PRH1: variants seen among roughly 807,000 people sequenced by gnomAD.
The protein encoded by PRH1 is proline rich protein HaeIII subfamily 1, also known as salivary acidic proline-rich phosphoprotein 1/2.
A neutral mutation model predicts 7.9 loss-of-function variants in PRH1; 7 were observed. That is an observed-to-expected ratio of 0.89 (90% CI 0.50 to 1.67). The LOEUF (loss-of-function observed/expected upper bound fraction) is 1.67. PRH1 is among the 40% of genes most tolerant of loss of function. PRH1 has a pLI of 0.00. For missense variants in PRH1, 109 were observed against 223.6 expected, an observed-to-expected ratio of 0.49 and a Z score of 3.27; for synonymous variants, 45 against 80.8, an observed-to-expected ratio of 0.56 and a Z score of 2.38.
intron 1 of PRH1, among the ~76,000 whole-genome samples, chr12:11,163,323 A>G (rs1947472921): frequency 6.6e-6 from 1 of 152,092 alleles, no homozygotes; most frequent in Non-Finnish European, 1.5e-5. Context: ...TTATTAAATA[A>G]TCACTAAAAA....
At chr12:11,061,283 GA>G (rs1479882514) in intron 1 of PRH1, 1 of 1,523,538 alleles carries the variant, frequency 6.6e-7, no homozygotes, top group Non-Finnish European at 8.8e-7. Context: ...ATACATTACA[GA>G]AAACACAGTA....
chr12:11,130,780 G>C (rs1565684588), intron 1 of PRH1, among the ~76,000 whole-genome samples: 1 of 152,132 alleles, frequency 6.6e-6, no homozygotes, highest in South Asian at 2.1e-4. Context: ...CAAACAGCAA[G>C]TGCAGAACAT....
chr12:11,158,124 A>T (rs1245519641), intron 1 of PRH1, among the ~76,000 whole-genome samples: 1 of 152,174 alleles, frequency 6.6e-6, no homozygotes, highest in Non-Finnish European at 1.5e-5. Flanking sequence ...TACCTCAAAC[A>T]ACAGTGCTGG....
At chr12:10,937,523 G>A (rs1374626713) in intron 2 of PRH1, 2 of 151,940 alleles carry the variant, frequency 1.3e-5, no homozygotes, top group Middle Eastern at 3.2e-3. Context: ...TCAGTATTAC[G>A]TTTATTGTTA....
chr12:11,142,056 G>C (rs1204399734), intron 1 of PRH1, among the ~76,000 whole-genome samples: 1 of 152,198 alleles, frequency 6.6e-6, no homozygotes, highest in East Asian at 1.9e-4. Flanking sequence ...GCCTCCCAAA[G>C]TGCTTGGATA....
intron 2 of PRH1, chr12:10,930,385 A>G (rs1269863716): frequency 6.5e-7 from 1 of 1,549,288 alleles, no homozygotes; most frequent in Non-Finnish European, 8.9e-7. Flanking sequence ...TCTTCTTATC[A>G]TCCTTGTCAG....
chr12:11,092,131 A>G lies in PRH1; in HGVS notation n.124-44943T>C, dbSNP rs199862459. 0.45 allele frequency: 358,513 copies of G among 794,654 alleles called. 101,404 individuals carry two copies. Among genetic ancestry groups the G allele is most frequent in the East Asian group, 0.47 (7,470 of 15,752 alleles). The allele number at this position is 794,654 out of a possible 1,614,324, so 49.2% of individuals were successfully genotyped here. A position where few individuals can be genotyped will look rare whatever the true frequency, so the allele number is the denominator to read the frequency against. On this transcript the variant is annotated intron_variant and non_coding_transcript_variant, in intron 1 of 4. Transcript: ENST00000541977. The stretch of plus-strand genomic sequence containing the variant: ...AGATCTTTTGTCTCTTGAACCACTC[A>G]ATGGAATTTACCAGTGCTATGAAGC...
intron 1 of PRH1, among the ~76,000 whole-genome samples, chr12:11,151,405 G>A (rs35326227): frequency 0.45 from 68,894 of 151,760 alleles, 16,436 homozygotes; most frequent in Non-Finnish European, 0.52. Context: ...GGACTCCCTG[G>A]AAACTCTGAC....
At chr12:10,993,819 C>T (rs1247959751) in intron 1 of PRH1, among the ~76,000 whole-genome samples, 2 of 152,206 alleles carry the variant, frequency 1.3e-5, no homozygotes, top group East Asian at 3.8e-4. Context: ...CCGCTAGAGG[C>T]ATGCATGCAT....
intron 1 of PRH1, among the ~76,000 whole-genome samples, chr12:11,165,867 A>G (rs74062453): frequency 0.032 from 4,818 of 152,292 alleles, 249 homozygotes; most frequent in African/African-American, 0.11. Context: ...GAGTCCACAC[A>G]TGCACTATAG....
At chr12:11,163,143 A>G (rs1230537185) in intron 1 of PRH1, among the ~76,000 whole-genome samples, 1 of 152,208 alleles carries the variant, frequency 6.6e-6, no homozygotes, top group African/African-American at 2.4e-5. Flanking sequence ...GAACAATTAC[A>G]GAGAATATTA....
At chr12:11,068,907 C>CTTCT (rs10676429) in intron 1 of PRH1, among the ~76,000 whole-genome samples, 67,784 of 120,068 alleles carry the variant, frequency 0.56, 15,280 homozygotes, top group Non-Finnish European at 0.65. Flanking sequence ...GGTATTATTA[C>CTTCT]TTCTATTTTT....
intron 1 of PRH1, among the ~76,000 whole-genome samples, chr12:11,029,198 A>C (rs1942061947): frequency 6.6e-6 from 1 of 150,790 alleles, no homozygotes; most frequent in African/African-American, 2.4e-5. Context: ...TAACACCAAG[A>C]ATTAATACAG....
intron 2 of PRH1, among the ~76,000 whole-genome samples, chr12:10,948,120 G>A (rs751988615): frequency 2.6e-5 from 4 of 152,086 alleles, no homozygotes; most frequent in Non-Finnish European, 5.9e-5. Flanking sequence ...AGATGATCTT[G>A]TGTAGAATCT....
At chr12:10,910,936 G>A (rs956277188) in intron 2 of PRH1, among the ~76,000 whole-genome samples, 1 of 152,056 alleles carries the variant, frequency 6.6e-6, no homozygotes, top group Non-Finnish European at 1.5e-5. Context: ...CATCTTTAAT[G>A]ATTTGCAAGT....
At chr12:11,071,437 AG>A (rs1199596665) in intron 1 of PRH1, among the ~76,000 whole-genome samples, 1 of 152,230 alleles carries the variant, frequency 6.6e-6, no homozygotes, top group Admixed American at 6.5e-5. Flanking sequence ...AACTTCAGAT[AG>A]TTTGGCTGAA....
Position 10,925,011 on chromosome 12 carries a change from G to C in PRH1, c.-58-40736C>G, listed in dbSNP as rs1219652956. On this transcript the variant is annotated intron_variant, in intron 2 of 3. Transcript: ENST00000539853. Reference sequence around the variant, plus strand: ...TTGTGTCTCTATCTCCTTCAATTCTGCTCTGATCTTAGTTGTTTCTTGCTG... The same window carrying C: ...TTGTGTCTCTATCTCCTTCAATTCTCCTCTGATCTTAGTTGTTTCTTGCTG... Among the ~76,000 whole-genome samples, 3 of 152,018 alleles carry C rather than the reference G, an allele frequency of 2.0e-5. No individual in the cohort carries two copies. The East Asian group carries it at 5.8e-4, about 29-fold the overall frequency.
intron 1 of PRH1, among the ~76,000 whole-genome samples, chr12:10,998,912 T>C (rs552779455): frequency 6.6e-6 from 1 of 152,250 alleles, no homozygotes; most frequent in African/African-American, 2.4e-5. Flanking sequence ...TTAGGCTTTC[T>C]TGTTCCTTTC....
intron 2 of PRH1, among the ~76,000 whole-genome samples, chr12:10,924,917 G>T (rs1950104018): frequency 6.6e-6 from 1 of 151,890 alleles, no homozygotes; most frequent in Admixed American, 6.6e-5. Context: ...TCTTGCTACT[G>T]GTCTATCAAT....
Sources: gnomAD v4.1 joint callset for allele counts (sites outside exome capture counted in the v4.1 genomes callset) on GRCh38, gnomAD v4.1.1 for gene constraint, MANE v1.5 for transcripts, NCBI Gene and HGNC (gene_info 2026-07-23, HGNC 2026-07-21) for gene names.